XYLT1: variants seen among roughly 807,000 people sequenced by gnomAD.
The protein encoded by XYLT1 is xylosyltransferase 1.
Under a neutral mutation model 91.3 loss-of-function variants are expected in XYLT1, and 36 were observed. That is an observed-to-expected ratio of 0.39 (90% CI 0.30 to 0.52). The LOEUF (loss-of-function observed/expected upper bound fraction) is 0.52, where lower values mean the gene tolerates loss of function less well. XYLT1 is among the 20% of genes least tolerant of loss of function. The probability of loss-of-function intolerance (pLI) is 0.68; values close to 1 mark genes in which losing one functional copy is unlikely to be tolerated. For missense variants in XYLT1, 1,242 were observed against 1,284.5 expected (o/e 0.97, Z 0.51); for synonymous variants, 588 against 532.0 (o/e 1.11, Z -1.45).
intron 1 of XYLT1, among the ~76,000 whole-genome samples, chr16:17,430,534 T>C (rs1057288058): frequency 1.3e-5 from 2 of 152,188 alleles, no homozygotes; most frequent in Non-Finnish European, 2.9e-5. Flanking sequence ...CAGCAGAACA[T>C]TAAACCAAGT....
intron 9 of XYLT1, among the ~76,000 whole-genome samples, chr16:17,129,376 C>T (rs947443304): frequency 3.9e-5 from 6 of 152,196 alleles, no homozygotes; most frequent in Non-Finnish European, 8.8e-5. Context: ...ATTCTCCTGA[C>T]TCAGCCTCCT....
rs574519867 is a variant in XYLT1, at chr16:17,215,846, G to A, written c.914-15192C>T. Among the ~76,000 whole-genome samples the A allele has an allele frequency of 3.3e-5, 5 of 152,332 alleles. No homozygotes were observed. The East Asian group carries it at 9.7e-4, about 29-fold the overall frequency. ...AAGAGGAAGTGCAGAAGATGAGGAT[G>A]GGCCGACAGCAGAGGCATCACACAG... On this transcript the variant is annotated intron_variant, in intron 3 of 11. Transcript: ENST00000261381.
intron 5 of XYLT1, among the ~76,000 whole-genome samples, chr16:17,164,293 ATTT>A (rs35498609): frequency 2.0e-5 from 2 of 101,226 alleles, no homozygotes; most frequent in African/African-American, 2.7e-5. Context: ...GATGTCACAA[ATTT>A]TTTTTTTTTT....
intron 11 of XYLT1, among the ~76,000 whole-genome samples, chr16:17,115,011 A>AT (rs1006081426): frequency 6.6e-6 from 1 of 151,720 alleles, no homozygotes. Flanking sequence ...TGCCCAGCTA[A>AT]TTTTTTGTAT....
intron 3 of XYLT1, among the ~76,000 whole-genome samples, chr16:17,218,328 CAG>C (rs917254707): frequency 1.1e-4 from 16 of 150,948 alleles, no homozygotes; most frequent in African/African-American, 2.7e-4. Context: ...AAAGCAAACT[CAG>C]GGGTGGGGAG....
At chr16:17,272,810 G>T (rs138572899) in intron 2 of XYLT1, among the ~76,000 whole-genome samples, 1 of 152,188 alleles carries the variant, frequency 6.6e-6, no homozygotes, top group Non-Finnish European at 1.5e-5. Flanking sequence ...AATGACACAG[G>T]CTCTTCCGGG....
chr16:17,200,429 A>T (rs1029688437), intron 4 of XYLT1, 53 bp downstream of exon 4: 1 of 1,584,892 alleles, frequency 6.3e-7, no homozygotes, highest in African/African-American at 1.3e-5. Context: ...TCAGGGAGGG[A>T]CGGACAGACC....
intron 1 of XYLT1, among the ~76,000 whole-genome samples, chr16:17,423,211 A>G (rs2036270749): frequency 6.6e-6 from 1 of 152,152 alleles, no homozygotes; most frequent in South Asian, 2.1e-4. Flanking sequence ...AAACTGGAGT[A>G]GGTGCTTTCA....
rs1190656323 is a variant in XYLT1 at position 17,295,338 on chromosome 16, T to TG, written c.403-35841_403-35840insC. On this transcript the variant is annotated intron_variant, in intron 2 of 11. Coordinates refer to ENST00000261381, the MANE Select transcript of XYLT1 (RefSeq NM_022166.4). ...AAAGCATTATAGAGCCAGGTTTTTG[T>TG]TTTGTTTTGTTTTGTTTTGTTTTGT... Among the ~76,000 whole-genome samples, 15 of 47,168 alleles carry TG rather than the reference T, an allele frequency of 3.2e-4. No individual in the cohort carries two copies. In the South Asian group the frequency reaches 5.9e-3, roughly 18 times the overall value. 30.9% of individuals were successfully genotyped at this position (47,168 alleles called of 152,430 possible). A position where few individuals can be genotyped will look rare whatever the true frequency, so the allele number is the denominator to read the frequency against.
intron 3 of XYLT1, among the ~76,000 whole-genome samples, chr16:17,253,903 G>A (rs1338009169): frequency 1.3e-5 from 2 of 151,868 alleles, no homozygotes; most frequent in African/African-American, 2.4e-5. Flanking sequence ...GCTTGACAAT[G>A]TGAGATAAAG....
At chr16:17,443,770 A>C (rs546252003) in intron 1 of XYLT1, among the ~76,000 whole-genome samples, 7 of 152,028 alleles carry the variant, frequency 4.6e-5, no homozygotes, top group African/African-American at 1.4e-4. Context: ...ATAAATACAC[A>C]CCTCTTTCTG....
chr16:17,259,548 G>A, intron 2 of XYLT1, 50 bp from the exon 3 acceptor site: 1 of 1,580,686 alleles, frequency 6.3e-7, no homozygotes, highest in Non-Finnish European at 8.6e-7. Context: ...GAGAGATCAT[G>A]CTAAGCAGAC....
At chr16:17,178,585 G>A (rs934018112) in intron 5 of XYLT1, among the ~76,000 whole-genome samples, 1 of 152,162 alleles carries the variant, frequency 6.6e-6, no homozygotes, top group African/African-American at 2.4e-5. Flanking sequence ...TGGGAGATCT[G>A]GCAGAATGAT....
rs71373109 is a variant in XYLT1, at chr16:17,383,752, C to CT, written c.364-25703dup. On this transcript the variant is annotated intron_variant, in intron 1 of 11. Transcript: ENST00000261381. ...GCTGTGTGACCCAAAGTGGAATTTT[C>CT]TTTTTTTTTTTTGAGACGGAGTTTC... Among the ~76,000 whole-genome samples the CT allele has an allele frequency of 2.4e-3, 321 of 135,534 alleles. 15 individuals carry two copies. The highest frequency in any genetic ancestry group is 4.0e-3 in the South Asian group (17 of 4,200). The allele number at this position is 135,534 out of a possible 152,430, so 88.9% of individuals were successfully genotyped here. A position where few individuals can be genotyped will look rare whatever the true frequency, so the allele number is the denominator to read the frequency against.
intron 1 of XYLT1, among the ~76,000 whole-genome samples, chr16:17,451,566 G>T (rs933192982): frequency 2.0e-5 from 3 of 152,196 alleles, no homozygotes; most frequent in African/African-American, 7.2e-5. Flanking sequence ...GAATGAATAA[G>T]TGTCTGCAAA....
intron 3 of XYLT1, among the ~76,000 whole-genome samples, chr16:17,207,785 G>A (rs1462160344): frequency 6.6e-6 from 1 of 152,044 alleles, no homozygotes; most frequent in Non-Finnish European, 1.5e-5. Flanking sequence ...CTCCCACCCA[G>A]CTTAATGAGA....
intron 1 of XYLT1, chr16:17,446,076 T>C (rs1567205970): frequency 6.6e-6 from 1 of 152,166 alleles, no homozygotes; most frequent in Non-Finnish European, 1.5e-5. Context: ...GAAAAGCTCG[T>C]CAGGCTTGAA....
intron 1 of XYLT1, among the ~76,000 whole-genome samples, chr16:17,462,872 G>A (rs2036841212): frequency 6.6e-6 from 1 of 152,186 alleles, no homozygotes; most frequent in African/African-American, 2.4e-5. Context: ...ATGAGTTCAT[G>A]CACAAAGAGG....
At chr16:17,426,424 G>C (rs1348316195) in intron 1 of XYLT1, among the ~76,000 whole-genome samples, 2 of 152,020 alleles carry the variant, frequency 1.3e-5, no homozygotes, top group African/African-American at 4.8e-5. Context: ...GCCAGGCGTG[G>C]TGGTCCAGCT....
Sources: allele counts gnomAD v4.1 joint callset (sites outside exome capture counted in the v4.1 genomes callset), GRCh38; gene constraint gnomAD v4.1.1; transcripts MANE v1.5; gene names NCBI Gene and HGNC (gene_info 2026-07-23, HGNC 2026-07-21).